PDZRN4: variants seen among roughly 807,000 people sequenced by gnomAD.
PDZRN4 encodes the protein PDZ domain containing ring finger 4.
Under a neutral mutation model 99.0 loss-of-function variants are expected in PDZRN4, and 70 were observed. The ratio of observed to expected loss-of-function variants is 0.71; its 90% CI spans 0.58 to 0.86. The LOEUF is 0.86. Among genes scored for constraint, PDZRN4 ranks in the 40% least tolerant of loss-of-function variants. The pLI, the probability that PDZRN4 is intolerant of heterozygous loss-of-function variation, is 0.00. For missense variants in PDZRN4, 1,474 were observed against 1,331.2 expected (o/e 1.11, Z -1.67); for synonymous variants, 551 against 501.6 (o/e 1.10, Z -1.32).
intron 3 of PDZRN4, among the ~76,000 whole-genome samples, chr12:41,369,454 C>G (rs930904979): frequency 2.0e-5 from 3 of 151,972 alleles, no homozygotes; most frequent in African/African-American, 7.2e-5. Flanking sequence ...TTGCTAATAA[C>G]CCTTTAAAAC....
At chr12:41,343,870 T>C (rs1207218873) in intron 3 of PDZRN4, among the ~76,000 whole-genome samples, 2 of 152,030 alleles carry the variant, frequency 1.3e-5, no homozygotes, top group South Asian at 2.1e-4. Flanking sequence ...AAGTACAATG[T>C]GCCAATAAAA....
At chr12:41,402,209 CAT>C (rs1187166512) in intron 3 of PDZRN4, among the ~76,000 whole-genome samples, 1 of 922 alleles carries the variant, frequency 1.1e-3, no homozygotes, top group East Asian at 0.083. Flanking sequence ...ACTGAGTATA[CAT>C]ATATATACAC....
chr12:41,321,636 CTTTG>C (rs964130791), intron 3 of PDZRN4, among the ~76,000 whole-genome samples: 3 of 152,096 alleles, frequency 2.0e-5, no homozygotes, highest in Admixed American at 6.6e-5. Context: ...TACTCCTTTG[CTTTG>C]TTTGTTTGTT....
intron 3 of PDZRN4, among the ~76,000 whole-genome samples, chr12:41,228,631 G>A (rs1397710070): frequency 6.6e-6 from 1 of 152,126 alleles, no homozygotes; most frequent in Non-Finnish European, 1.5e-5. Context: ...GGTATGCCAT[G>A]CTCAGGAGGC....
Position 41,342,753 on chromosome 12 carries a change from T to C in PDZRN4, c.843+148565T>C, listed in dbSNP as rs187780878. 1.5e-3 allele frequency among the ~76,000 whole-genome samples: 229 copies of C among 152,062 alleles called. 1 individual carries two copies. The highest frequency in any genetic ancestry group is 5.1e-3 in the African/African-American group (213 of 41,560). ...GAGAAAAGAGAACACTTACACACTG[T>C]TGGTGGGATTGTAAATTAGTGCAGC... On this transcript the variant is annotated intron_variant, in intron 3 of 9. Coordinates refer to ENST00000402685, the MANE Select transcript of PDZRN4 (RefSeq NM_001164595.2).
chr12:41,419,986 A>T (rs980423671), intron 3 of PDZRN4, among the ~76,000 whole-genome samples: 3 of 152,080 alleles, frequency 2.0e-5, no homozygotes, highest in South Asian at 2.1e-4. Flanking sequence ...AGGAAACATG[A>T]TTTTCTTCAG....
intron 3 of PDZRN4, among the ~76,000 whole-genome samples, chr12:41,218,497 C>A (rs1339274674): frequency 7.0e-6 from 1 of 142,566 alleles, no homozygotes; most frequent in Non-Finnish European, 1.5e-5. Context: ...GCTTTTGTTT[C>A]AAAAAAAATT....
At chr12:41,193,664 A>G (rs1262058482) in intron 2 of PDZRN4, among the ~76,000 whole-genome samples, 20 of 152,320 alleles carry the variant, frequency 1.3e-4, no homozygotes, top group Admixed American at 1.3e-3. Flanking sequence ...ACATTTCTAA[A>G]CTCTACCACA....
intron 3 of PDZRN4, among the ~76,000 whole-genome samples, chr12:41,377,451 T>C (rs1291437813): frequency 6.6e-6 from 1 of 152,154 alleles, no homozygotes; most frequent in East Asian, 1.9e-4. Context: ...GATCACAAGG[T>C]CAGGAGATCA....
At chr12:41,419,314 G>A (rs1423106378) in intron 3 of PDZRN4, among the ~76,000 whole-genome samples, 1 of 152,128 alleles carries the variant, frequency 6.6e-6, no homozygotes, top group Non-Finnish European at 1.5e-5. Flanking sequence ...GTAACAGCTG[G>A]TGCAGGCTGC....
At chr12:41,269,149 T>C (rs1287616063) in intron 3 of PDZRN4, among the ~76,000 whole-genome samples, 1 of 152,198 alleles carries the variant, frequency 6.6e-6, no homozygotes, top group East Asian at 1.9e-4. Flanking sequence ...GAGGTTATAA[T>C]GGTTCTGAAG....
At chr12:41,478,427 A>G (rs1937625242) in intron 3 of PDZRN4, among the ~76,000 whole-genome samples, 1 of 152,190 alleles carries the variant, frequency 6.6e-6, no homozygotes, top group Non-Finnish European at 1.5e-5. Context: ...GTAAAATTAA[A>G]TATACTTACA....
intron 7 of PDZRN4, among the ~76,000 whole-genome samples, chr12:41,562,094 C>T (rs894043477): frequency 6.6e-6 from 1 of 151,954 alleles, no homozygotes; most frequent in Non-Finnish European, 1.5e-5. Flanking sequence ...TTGTGAATTG[C>T]AAAAACAAAT....
At chr12:41,362,459 A>C (rs201019026) in intron 3 of PDZRN4, among the ~76,000 whole-genome samples, 1 of 148,300 alleles carries the variant, frequency 6.7e-6, no homozygotes, top group Non-Finnish European at 1.5e-5. Context: ...ATTTTTGTCT[A>C]ATTGCAGCTC....
intron 5 of PDZRN4, among the ~76,000 whole-genome samples, chr12:41,520,957 A>G (rs965366781): frequency 1.3e-5 from 2 of 152,152 alleles, no homozygotes; most frequent in Non-Finnish European, 2.9e-5. Context: ...TTAAATGTCC[A>G]TATTTCATTA....
chr12:41,537,418 T>A (rs915884238), intron 5 of PDZRN4, among the ~76,000 whole-genome samples: 3 of 152,138 alleles, frequency 2.0e-5, no homozygotes, highest in African/African-American at 7.2e-5. Flanking sequence ...TAGGTAGAAT[T>A]TTAATTAGGA....
At chr12:41,349,901 T>G (rs993769169) in intron 3 of PDZRN4, among the ~76,000 whole-genome samples, 29 of 151,770 alleles carry the variant, frequency 1.9e-4, no homozygotes, top group Admixed American at 1.3e-4. Context: ...TATTGAAAAA[T>G]TATATGAGGA....
In PDZRN4 at chr12:41,251,864, C is replaced by A. The variant is rs552489349; in HGVS notation, c.843+57676C>A. Among the ~76,000 whole-genome samples the A allele has an allele frequency of 2.0e-5, 3 of 152,170 alleles. No individual in the cohort carries two copies. In the South Asian group the frequency reaches 6.2e-4, roughly 32 times the overall value. On this transcript the variant is annotated intron_variant, in intron 3 of 9. Coordinates refer to ENST00000402685, the MANE Select transcript of PDZRN4 (RefSeq NM_001164595.2). ...GGCATGGTGGCTCACGCCTGTAATC[C>A]CAACACTTTAGGAGGCTGACGCAGG...
chr12:41,414,289 T>C (rs567692638), intron 3 of PDZRN4, among the ~76,000 whole-genome samples: 38 of 152,276 alleles, frequency 2.5e-4, no homozygotes, highest in African/African-American at 8.7e-4. Context: ...CTATATGCCT[T>C]GGTGATGCTC....
Sources: allele counts gnomAD v4.1 joint callset (sites outside exome capture counted in the v4.1 genomes callset), GRCh38; gene constraint gnomAD v4.1.1; transcripts MANE v1.5; gene names NCBI Gene and HGNC (gene_info 2026-07-23, HGNC 2026-07-21).